SPICE1: variants seen among roughly 807,000 people sequenced by gnomAD.
SPICE1 encodes spindle and centriole associated protein 1.
SPICE1 carries 75 observed loss-of-function variants against 102.7 expected under a neutral mutation model. The observed-to-expected ratio is 0.73, with a 90% confidence interval of 0.61 to 0.88. The LOEUF (loss-of-function observed/expected upper bound fraction) is 0.88, where lower values mean the gene tolerates loss of function less well. SPICE1 is among the 40% of genes least tolerant of loss of function. The pLI is 0.00. For synonymous variants in SPICE1, 308 were observed against 350.3 expected (o/e 0.88, Z 1.35); for missense variants, 979 against 1,020.1 (o/e 0.96, Z 0.55).
At chr3:113,472,078 T>C (rs971530660) in intron 7 of SPICE1, among the ~76,000 whole-genome samples, 1 of 152,238 alleles carries the variant, frequency 6.6e-6, no homozygotes, top group African/African-American at 2.4e-5. Flanking sequence ...AATTGGGTCA[T>C]GCCCACCCTA....
chr3:113,459,249 A>G (rs1387135162), intron 12 of SPICE1, among the ~76,000 whole-genome samples: 1 of 152,098 alleles, frequency 6.6e-6, no homozygotes, highest in Non-Finnish European at 1.5e-5. Flanking sequence ...ACCACTCCCT[A>G]ATCTCAAGTA....
At chr3:113,465,899 G>A (rs1445347860) in intron 10 of SPICE1, 115 bp from the exon 11 acceptor site, 5 of 924,598 alleles carry the variant, frequency 5.4e-6, no homozygotes, top group African/African-American at 1.7e-5. Context: ...TTATGTGACA[G>A]TAATGATGAA....
chr3:113,471,746 T>C (rs998577161), intron 7 of SPICE1, among the ~76,000 whole-genome samples: 1 of 152,048 alleles, frequency 6.6e-6, no homozygotes, highest in East Asian at 1.9e-4. Context: ...ATGGAAAGAA[T>C]AGGAACATAG....
chr3:113,500,617 G>A (rs1936990866), intron 3 of SPICE1, among the ~76,000 whole-genome samples: 1 of 152,018 alleles, frequency 6.6e-6, no homozygotes, highest in African/African-American at 2.4e-5. Flanking sequence ...AGAGAAAAAA[G>A]AAAAGGGTAA....
intron 7 of SPICE1, among the ~76,000 whole-genome samples, chr3:113,482,624 A>G (rs1362829535): frequency 1.3e-5 from 2 of 152,228 alleles, no homozygotes; most frequent in African/African-American, 4.8e-5. Flanking sequence ...AGTTTTCTGC[A>G]TATGGCTAGC....
intron 7 of SPICE1, among the ~76,000 whole-genome samples, chr3:113,482,751 T>C (rs1276332331): frequency 6.6e-6 from 1 of 152,182 alleles, no homozygotes; most frequent in Non-Finnish European, 1.5e-5. Flanking sequence ...TCTGTTCTGT[T>C]CCATTGGTCT....
chr3:113,489,023 T>G lies in SPICE1; in HGVS notation c.533A>C (p.Asn178Thr). ...ATTCTCACTTTCTCCTGACTGGCTA[T>G]TAACAGTTCCTTCTTCTTCACCATC... ...DVDGEEEGTV[N>T]SQSGESENEN... The change falls in exon 7 of 18, where the codon AAT becomes ACT. Residue 178 changes from asparagine to threonine, a missense_variant. By Grantham distance (65) the Asn-to-Thr change is moderately conservative. Transcript: ENST00000295872. The G allele has an allele frequency of 1.1e-5, 18 of 1,613,686 alleles. No homozygotes were observed. The highest frequency in any genetic ancestry group is 1.5e-5 in the Non-Finnish European group (18 of 1,179,708).
intron 7 of SPICE1, 69 bp from the exon 8 acceptor site, chr3:113,469,307 A>T: frequency 1.7e-6 from 1 of 582,896 alleles, no homozygotes; most frequent in South Asian, 7.2e-5. Context: ...AATATAAATT[A>T]AATGATAGCA....
chr3:113,469,257 T>C lies in SPICE1; in HGVS notation c.612-19A>G, dbSNP rs1026981133. Reference sequence around the variant, plus strand: ...GAGAAACCTATAAATTACAGGACAATAAGCTACATGAGAATTATAATATAA... The same window carrying C: ...GAGAAACCTATAAATTACAGGACAACAAGCTACATGAGAATTATAATATAA... On this transcript the variant is annotated intron_variant, in intron 7 of 17. Transcript: ENST00000295872. 8 of 1,381,968 alleles carry C rather than the reference T, an allele frequency of 5.8e-6. No individual in the cohort carries two copies. The African/African-American group carries it at 1.2e-4, about 20-fold the overall frequency. 85.6% of individuals were successfully genotyped at this position (1,381,968 alleles called of 1,614,324 possible).
At chr3:113,458,764 G>C (rs1439052272) in intron 12 of SPICE1, among the ~76,000 whole-genome samples, 8 of 151,846 alleles carry the variant, frequency 5.3e-5, no homozygotes, top group Admixed American at 2.0e-4. Context: ...TCTAGGAAGT[G>C]AGGAGCATCT....
At chr3:113,479,078 A>C (rs1488018214) in intron 7 of SPICE1, among the ~76,000 whole-genome samples, 2 of 148,706 alleles carry the variant, frequency 1.3e-5, no homozygotes, top group African/African-American at 4.9e-5. Context: ...GCACCCATTA[A>C]CTCGTCATTT....
At chr3:113,463,358 G>A (rs538052768) in intron 11 of SPICE1, among the ~76,000 whole-genome samples, 5 of 152,204 alleles carry the variant, frequency 3.3e-5, no homozygotes, top group Admixed American at 2.6e-4. Context: ...ACAGTACCAG[G>A]CCCACAGCAG....
chr3:113,504,263 AC>A (rs1335258320), intron 2 of SPICE1, among the ~76,000 whole-genome samples: 3 of 152,180 alleles, frequency 2.0e-5, no homozygotes, highest in African/African-American at 7.2e-5. Flanking sequence ...ATTTTGCTAC[AC>A]AGATTTGGTA....
rs1460253314 is a variant in SPICE1, at chr3:113,468,841, T to G, written c.810A>C (p.Glu270Asp). 6.2e-7 allele frequency: 1 copy of G among 1,614,038 alleles called. No homozygotes were observed. Among genetic ancestry groups the G allele is most frequent in the African/African-American group, 1.3e-5 (1 of 74,938 alleles). ...AGCTTGAGTCTAGAGTCTCAGTAGA[T>G]TCTTCAGGCTGAAGCCTGGTTTGGA... ...KRLQTRLQPE[E>D]STETLDSSYV... The change falls in exon 9 of 18, where the codon GAA (glutamate) becomes GAC (aspartate). Residue 270 changes from glutamate (E) to aspartate (D), a missense_variant. Coordinates refer to ENST00000295872, the MANE Select transcript of SPICE1 (RefSeq NM_144718.4).
At chr3:113,471,268 C>T (rs922306029) in intron 7 of SPICE1, among the ~76,000 whole-genome samples, 7 of 152,130 alleles carry the variant, frequency 4.6e-5, no homozygotes, top group African/African-American at 7.2e-5. Flanking sequence ...GGGAGATTAT[C>T]TTGGGTAGGC....
intron 1 of SPICE1, among the ~76,000 whole-genome samples, chr3:113,511,474 C>T (rs929916299): frequency 6.6e-6 from 1 of 152,122 alleles, no homozygotes; most frequent in Non-Finnish European, 1.5e-5. Flanking sequence ...ATGGATGGAA[C>T]TGGAAGCCAT....
intron 12 of SPICE1, chr3:113,460,270 T>C: frequency 1.0e-6 from 1 of 976,182 alleles, no homozygotes; most frequent in Non-Finnish European, 1.2e-6. Flanking sequence ...CTCTTTGGTC[T>C]AGGTGTCCAG....
At chr3:113,497,866 C>G (rs1210565786) in intron 4 of SPICE1, among the ~76,000 whole-genome samples, 1 of 149,758 alleles carries the variant, frequency 6.7e-6, no homozygotes, top group Non-Finnish European at 1.5e-5. Flanking sequence ...CTGTACCCAG[C>G]TAATCTTTAG....
At position 113,443,918 on chromosome 3, in the gene SPICE1, T is replaced by C. The variant is rs1451999975; in HGVS notation, c.*1389A>G. ...AACCAAAATAATTTTGTTTACAGCA[T>C]AAGAATGATTATATGATAACTGTGG... On this transcript the variant is annotated 3_prime_UTR_variant, in exon 18 of 18. Coordinates refer to ENST00000295872, the MANE Select transcript of SPICE1 (RefSeq NM_144718.4). 6.6e-6 allele frequency: 1 copy of C among 152,216 alleles called. No individual in the cohort carries two copies. The highest frequency in any genetic ancestry group is 1.9e-4 in the East Asian group (1 of 5,192). The allele number at this position is 152,216 out of a possible 1,614,324, so 9.4% of individuals were successfully genotyped here.
Sources: gnomAD v4.1 joint callset for allele counts (sites outside exome capture counted in the v4.1 genomes callset) on GRCh38, gnomAD v4.1.1 for gene constraint, MANE v1.5 for transcripts, NCBI Gene and HGNC (gene_info 2026-07-23, HGNC 2026-07-21) for gene names.